Variants in BCAT1 observed in about 807,000 individuals in gnomAD.
The protein encoded by BCAT1 is branched chain amino acid transaminase 1, also known as branched-chain-amino-acid aminotransferase, cytosolic.
A neutral mutation model predicts 52.4 loss-of-function variants in BCAT1; 48 were observed. The ratio of observed to expected loss-of-function variants is 0.92; its 90% CI spans 0.73 to 1.16. BCAT1 has a LOEUF of 1.16. Among genes scored for constraint, BCAT1 ranks in the 50% most tolerant of loss-of-function variants. The pLI is 0.00. For missense variants in BCAT1, 451 were observed against 457.1 expected (o/e 0.99, Z 0.12); for synonymous variants, 167 against 161.3 (o/e 1.04, Z -0.27).
At chr12:24,926,667 G>T (rs372149444) in intron 1 of BCAT1, among the ~76,000 whole-genome samples, 1 of 152,036 alleles carries the variant, frequency 6.6e-6, no homozygotes, top group Admixed American at 6.6e-5. Context: ...CCCCCAACCC[G>T]GTGCTCTCTG....
At position 24,841,931 on chromosome 12, in the gene BCAT1, TGTGTCTATTTGGGC is replaced by T. The variant is rs1258462916; in HGVS notation, c.817+137_817+150del. On this transcript the variant is annotated intron_variant, in intron 7 of 10. Coordinates refer to ENST00000261192, the MANE Select transcript of BCAT1 (RefSeq NM_005504.7). ...AAGAAAGAAAGAAAAAAAAGAAACT[TGTGTCTATTTGGGC>T]AGCAAAAGCACAGTAGTCCTTACTT... 3 of 809,618 alleles carry T rather than the reference TGTGTCTATTTGGGC, an allele frequency of 3.7e-6. No homozygotes were observed. The African/African-American group carries it at 5.3e-5, about 14-fold the overall frequency. The allele number at this position is 809,618 out of a possible 1,614,324, so 50.2% of individuals were successfully genotyped here.
chr12:24,850,210 GT>G (rs1565462287), intron 5 of BCAT1, among the ~76,000 whole-genome samples: 1 of 152,302 alleles, frequency 6.6e-6, no homozygotes, highest in East Asian at 1.9e-4. Context: ...ATTTTTGCGT[GT>G]TAGTAGGGTT....
chr12:24,841,507 T>A (rs1240714264), intron 7 of BCAT1, among the ~76,000 whole-genome samples: 3 of 152,214 alleles, frequency 2.0e-5, no homozygotes, highest in Admixed American at 6.5e-5. Context: ...CCAATCATGG[T>A]AACTTAAATC....
At chr12:24,832,886 C>G (rs780801501) in intron 8 of BCAT1, 23 bp from the exon 9 acceptor site, 5 of 1,587,446 alleles carry the variant, frequency 3.1e-6, no homozygotes, top group Non-Finnish European at 2.6e-6. Flanking sequence ...TAAAAAATAA[C>G]AAGTATATTT....
chr12:24,831,826 A>C (rs570323801), intron 9 of BCAT1, among the ~76,000 whole-genome samples: 244 of 152,378 alleles, frequency 1.6e-3, no homozygotes, highest in African/African-American at 5.7e-3. Flanking sequence ...AATGTTAATC[A>C]TAAGTATTGG....
intron 1 of BCAT1, chr12:24,904,749 A>G (rs1205582272): frequency 6.6e-6 from 1 of 152,236 alleles, no homozygotes; most frequent in East Asian, 1.9e-4. Context: ...TCTATCCACC[A>G]TGTTCGAAGC....
chr12:24,943,334 A>T (rs928934988), intron 1 of BCAT1, among the ~76,000 whole-genome samples: 3 of 151,928 alleles, frequency 2.0e-5, no homozygotes, highest in Non-Finnish European at 4.4e-5. Flanking sequence ...CTCTACAAAA[A>T]ATACAAAAAT....
intron 1 of BCAT1, among the ~76,000 whole-genome samples, chr12:24,947,804 A>G (rs1456101422): frequency 6.6e-6 from 1 of 152,250 alleles, no homozygotes; most frequent in African/African-American, 2.4e-5. Context: ...TAAAGCTATA[A>G]TCAACTAAAG....
At chr12:24,912,375 C>G (rs536218221) in intron 1 of BCAT1, among the ~76,000 whole-genome samples, 77 of 152,122 alleles carry the variant, frequency 5.1e-4, no homozygotes, top group African/African-American at 1.8e-3. Flanking sequence ...AAAAAATTAG[C>G]CGGGCGTAGT....
chr12:24,941,951 T>C (rs1470951352), intron 1 of BCAT1, among the ~76,000 whole-genome samples: 1 of 152,172 alleles, frequency 6.6e-6, no homozygotes, highest in Non-Finnish European at 1.5e-5. Flanking sequence ...TCCTCTCTTA[T>C]GACTAGAGAA....
At chr12:24,894,642 T>C (rs997363918) in intron 2 of BCAT1, among the ~76,000 whole-genome samples, 167 bp from the exon 3 acceptor site, 1 of 152,216 alleles carries the variant, frequency 6.6e-6, no homozygotes, top group Admixed American at 6.5e-5. Context: ...CATTCAGAAT[T>C]CGGCCAGTTA....
intron 2 of BCAT1, among the ~76,000 whole-genome samples, chr12:24,896,770 A>AT (rs1254352972): frequency 6.6e-6 from 1 of 152,158 alleles, no homozygotes; most frequent in Non-Finnish European, 1.5e-5. Context: ...CCATCTCAAA[A>AT]AAAAAGAAAG....
intron 5 of BCAT1, among the ~76,000 whole-genome samples, chr12:24,862,873 C>G (rs537593027): frequency 6.6e-6 from 1 of 152,210 alleles, no homozygotes; most frequent in East Asian, 1.9e-4. Flanking sequence ...GACTGACACC[C>G]TAGAGAAAAT....
intron 5 of BCAT1, among the ~76,000 whole-genome samples, chr12:24,865,918 CCCTCCCAGCCCTCACTCGCTCTCGGTG>C (rs1388142424): frequency 6.6e-6 from 1 of 152,208 alleles, no homozygotes; most frequent in Non-Finnish European, 1.5e-5. Context: ...GTGCTGGCAG[CCCTCCCAGCCCTCACTCGCTCTCGGTG>C]CCTCCTCGGC....
intron 5 of BCAT1, 74 bp from the exon 6 acceptor site, chr12:24,850,023 A>G: frequency 7.6e-7 from 1 of 1,314,820 alleles, no homozygotes; most frequent in Admixed American, 2.7e-5. Flanking sequence ...GAATAGATTT[A>G]TATCTGTCTC....
intron 5 of BCAT1, among the ~76,000 whole-genome samples, chr12:24,861,486 C>T (rs2139517903): frequency 6.6e-6 from 1 of 152,302 alleles, no homozygotes; most frequent in Admixed American, 6.5e-5. Flanking sequence ...CCAGATATCA[C>T]CTTTTGTGAG....
chr12:24,906,014 C>G (rs1204126625), intron 1 of BCAT1, among the ~76,000 whole-genome samples: 2 of 151,280 alleles, frequency 1.3e-5, no homozygotes, highest in Non-Finnish European at 2.9e-5. Context: ...CATGGCAAAA[C>G]CCTGTCTCTG....
At chr12:24,857,928 G>A (rs779100716) in intron 5 of BCAT1, among the ~76,000 whole-genome samples, 15 of 152,222 alleles carry the variant, frequency 9.9e-5, no homozygotes, top group Non-Finnish European at 1.5e-4. Context: ...TTGGATCAGA[G>A]AAGCATGCTC....
At chr12:24,818,658 C>T (rs1039024225) in intron 10 of BCAT1, among the ~76,000 whole-genome samples, 1 of 152,172 alleles carries the variant, frequency 6.6e-6, no homozygotes, top group Non-Finnish European at 1.5e-5. Context: ...TTAACAGAGA[C>T]TCTGTTCTCT....
Sources: allele counts gnomAD v4.1 joint callset (sites outside exome capture counted in the v4.1 genomes callset), GRCh38; gene constraint gnomAD v4.1.1; transcripts MANE v1.5; gene names NCBI Gene and HGNC (gene_info 2026-07-23, HGNC 2026-07-21).